The following FRYL variants were observed in gnomAD, a reference collection of about 807,000 sequenced individuals.
FRYL encodes the protein protein furry homolog-like.
In FRYL, 150 loss-of-function variants were observed where a neutral mutation model predicts 351.2. The observed-to-expected ratio is 0.43, with a 90% CI of 0.37 to 0.49. The LOEUF is 0.49. FRYL is among the 20% of genes least tolerant of loss of function. The probability of loss-of-function intolerance (pLI) is 0.00; values close to 1 mark genes in which losing one functional copy is unlikely to be tolerated. For missense variants in FRYL, 3,036 were observed against 3,619.3 expected (o/e 0.84, Z 4.13); for synonymous variants, 1,153 against 1,257.1 (o/e 0.92, Z 1.75).
chr4:48,623,800 A>G (rs757511380), intron 4 of FRYL, among the ~76,000 whole-genome samples: 1 of 151,922 alleles, frequency 6.6e-6, no homozygotes, highest in African/African-American at 2.4e-5. Context: ...TAAGAGAAAT[A>G]TAAGTTAAAA....
intron 35 of FRYL, among the ~76,000 whole-genome samples, chr4:48,554,253 T>C (rs879328055): frequency 2.6e-5 from 4 of 152,158 alleles, no homozygotes; most frequent in Non-Finnish European, 4.4e-5. Flanking sequence ...ATCAGAATGA[T>C]TCGTATTTTT....
rs575642211 is a variant in FRYL, at chr4:48,718,559, T to G, written c.-383-7861A>C. ...ATGTCACACTCTAAAGTGTGAAAAT[T>G]GACCCTATTAAATTTGAATTCTCTC... On this transcript the variant is annotated intron_variant, in intron 1 of 63. Coordinates refer to ENST00000358350, the MANE Select transcript of FRYL (RefSeq NM_015030.2). Among the ~76,000 whole-genome samples the G allele has an allele frequency of 5.3e-4, 80 of 151,564 alleles. 3 individuals are homozygous for G. In the Middle Eastern group the frequency reaches 0.014, roughly 26 times the overall value.
intron 2 of FRYL, among the ~76,000 whole-genome samples, chr4:48,695,302 G>A (rs1390437900): frequency 6.6e-6 from 1 of 151,990 alleles, no homozygotes; most frequent in East Asian, 1.9e-4. Flanking sequence ...AGTGGTGTTC[G>A]GAAAAATAGA....
At chr4:48,565,195 G>GT (rs1736498056) in intron 29 of FRYL, 152 bp from the exon 30 acceptor site, 1 of 510,074 alleles carries the variant, frequency 2.0e-6, no homozygotes, top group Non-Finnish European at 3.5e-6. Context: ...TTTATTATGA[G>GT]TAAGTAAATA....
At chr4:48,613,504 C>A (rs1748671097) in intron 7 of FRYL, among the ~76,000 whole-genome samples, 2 of 152,164 alleles carry the variant, frequency 1.3e-5, no homozygotes, top group Admixed American at 1.3e-4. Context: ...TTTGTTGCCA[C>A]CCTACTACCA....
At chr4:48,662,361 G>A (rs1208893436) in intron 3 of FRYL, among the ~76,000 whole-genome samples, 4 of 151,822 alleles carry the variant, frequency 2.6e-5, no homozygotes, top group South Asian at 4.2e-4. Flanking sequence ...GGAGTTTGAC[G>A]TTACTGTGAG....
At chr4:48,582,442 A>G (rs1322459259) in intron 20 of FRYL, 55 bp downstream of exon 20, 2 of 1,049,002 alleles carry the variant, frequency 1.9e-6, no homozygotes, top group East Asian at 4.7e-5. Flanking sequence ...TAAAACCATT[A>G]TTGGTCATTT....
intron 61 of FRYL, among the ~76,000 whole-genome samples, chr4:48,502,152 C>T (rs1328928935): frequency 6.6e-6 from 1 of 152,150 alleles, no homozygotes; most frequent in African/African-American, 2.4e-5. Context: ...AACCGGATAA[C>T]CTCTTACCTA....
intron 16 of FRYL, among the ~76,000 whole-genome samples, chr4:48,592,687 G>A (rs1379419142): frequency 6.6e-6 from 1 of 151,924 alleles, no homozygotes; most frequent in Non-Finnish European, 1.5e-5. Flanking sequence ...TTTTTTTCCT[G>A]TATTCCAGTG....
chr4:48,499,370 A>G lies in FRYL; in HGVS notation c.*52T>C. 6.4e-7 allele frequency: 1 copy of G among 1,557,352 alleles called. No homozygotes were observed. Among genetic ancestry groups the G allele is most frequent in the Non-Finnish European group, 8.8e-7 (1 of 1,132,074 alleles). On this transcript the variant is annotated 3_prime_UTR_variant, in exon 64 of 64. Transcript: ENST00000358350. ...AAGGGTCCATAAAAGGTGCTTGGTT[A>G]ATATTCTTCATCATCTTCAGTTTAG...
At chr4:48,511,094 A>G (rs1722377017) in intron 57 of FRYL, 110 bp from the exon 58 acceptor site, 2 of 597,748 alleles carry the variant, frequency 3.3e-6, no homozygotes, top group East Asian at 3.1e-5. Flanking sequence ...TTATAATGAT[A>G]TATAGAACTT....
intron 3 of FRYL, among the ~76,000 whole-genome samples, chr4:48,672,164 G>C (rs1341669253): frequency 2.0e-5 from 3 of 152,144 alleles, no homozygotes; most frequent in Non-Finnish European, 4.4e-5. Context: ...TGAAAACAAT[G>C]CTAGAAAGAA....
At chr4:48,709,809 C>T (rs1410416103) in intron 2 of FRYL, among the ~76,000 whole-genome samples, 2 of 152,170 alleles carry the variant, frequency 1.3e-5, no homozygotes, top group African/African-American at 4.8e-5. Context: ...ACTCTATCTG[C>T]CTTTCATCTT....
At chr4:48,502,080 T>G (rs138551925) in intron 61 of FRYL, among the ~76,000 whole-genome samples, 1 of 152,346 alleles carries the variant, frequency 6.6e-6, no homozygotes, top group East Asian at 1.9e-4. Flanking sequence ...CAAAGACTTT[T>G]GCCCTCATTG....
intron 7 of FRYL, among the ~76,000 whole-genome samples, chr4:48,610,605 T>C (rs1186842210): frequency 6.7e-6 from 1 of 148,192 alleles, no homozygotes; most frequent in East Asian, 1.9e-4. Flanking sequence ...ATACTCAATA[T>C]GTATACCTAT....
chr4:48,647,495 C>T (rs913281092), intron 3 of FRYL, among the ~76,000 whole-genome samples: 1 of 152,130 alleles, frequency 6.6e-6, no homozygotes, highest in Non-Finnish European at 1.5e-5. Flanking sequence ...TATTAGTAAA[C>T]TATGTATTTA....
chr4:48,712,565 G>A (rs1413911572), intron 1 of FRYL, among the ~76,000 whole-genome samples: 3 of 152,192 alleles, frequency 2.0e-5, no homozygotes, highest in African/African-American at 7.2e-5. Flanking sequence ...ATATGGTACT[G>A]TGTGAAAAGA....
intron 5 of FRYL, 100 bp downstream of exon 5, chr4:48,623,026 A>C (rs190590794): frequency 7.0e-6 from 5 of 715,476 alleles, no homozygotes; most frequent in Admixed American, 3.2e-5. Context: ...AAGGATATAT[A>C]GAAATTAAGG....
chr4:48,742,994 T>TTTTTTTTTTTTTTTTC (rs1772283215), intron 1 of FRYL, among the ~76,000 whole-genome samples: 1 of 143,606 alleles, frequency 7.0e-6, no homozygotes, highest in Non-Finnish European at 1.5e-5. Flanking sequence ...TTTTTTTTTT[T>TTTTTTTTTTTTTTTTC]TTTTACTAGA....
Sources: gnomAD v4.1 joint callset for allele counts (sites outside exome capture counted in the v4.1 genomes callset) on GRCh38, gnomAD v4.1.1 for gene constraint, MANE v1.5 for transcripts, NCBI Gene and HGNC (gene_info 2026-07-23, HGNC 2026-07-21) for gene names.